Variants in EGLN2 observed in about 807,000 individuals in gnomAD.
The protein encoded by EGLN2 is egl-9 family hypoxia inducible factor 2.
EGLN2 carries 15 observed loss-of-function variants against 38.2 expected under a neutral mutation model. The ratio of observed to expected loss-of-function variants is 0.39; its 90% CI spans 0.26 to 0.60. The LOEUF (loss-of-function observed/expected upper bound fraction) is 0.60. Among genes scored for constraint, EGLN2 ranks in the 20% least tolerant of loss-of-function variants. The probability of loss-of-function intolerance (pLI) is 0.50; values close to 1 mark genes in which losing one functional copy is unlikely to be tolerated. For synonymous variants in EGLN2, 284 were observed against 237.4 expected (o/e 1.20, Z -1.81); for missense variants, 492 against 570.4 (o/e 0.86, Z 1.40).
At chr19:40,804,214 A>T (rs145912604) in intron 2 of EGLN2, 2 of 152,294 alleles carry the variant, frequency 1.3e-5, no homozygotes, top group East Asian at 1.9e-4. Context: ...GGGGAGACCA[A>T]CCTGGCCCCA....
Position 40,808,196 on chromosome 19 carries a change from G to T in EGLN2, c.*332G>T. The stretch of plus-strand genomic sequence containing the variant: ...AGGCATTGTCACTTCCCACCAGGAT[G>T]CAGGACTTGGGGTTGAGGTGAGTCA... On this transcript the variant is annotated 3_prime_UTR_variant, in exon 6 of 6. Coordinates refer to ENST00000303961, the MANE Select transcript of EGLN2 (RefSeq NM_080732.4). 2.1e-6 allele frequency: 1 copy of T among 471,978 alleles called. No homozygotes were observed. The highest frequency in any genetic ancestry group is 3.7e-6 in the Non-Finnish European group (1 of 266,720). 29.2% of individuals were successfully genotyped at this position (471,978 alleles called of 1,614,324 possible). A position where few individuals can be genotyped will look rare whatever the true frequency, so the allele number is the denominator to read the frequency against.
intron 2 of EGLN2, chr19:40,805,078 G>A (rs779356792): frequency 6.6e-6 from 1 of 152,396 alleles, no homozygotes; most frequent in Non-Finnish European, 1.5e-5. Flanking sequence ...TGCGTGCTTG[G>A]CAAGCATCCT....
chr19:40,801,578 G>T (rs949766167), intron 2 of EGLN2, among the ~76,000 whole-genome samples, 163 bp downstream of exon 2: 2 of 151,422 alleles, frequency 1.3e-5, no homozygotes, highest in Non-Finnish European at 2.9e-5. Flanking sequence ...ACTTGGGGGG[G>T]TCTTTATCCT....
intron 2 of EGLN2, among the ~76,000 whole-genome samples, chr19:40,803,611 T>G (rs1460821725): frequency 6.6e-6 from 1 of 152,060 alleles, no homozygotes; most frequent in African/African-American, 2.4e-5. Flanking sequence ...AGAAACGTGC[T>G]TCTTAGTCGT....
intron 3 of EGLN2, 145 bp downstream of exon 3, chr19:40,806,819 C>T: frequency 2.5e-6 from 3 of 1,187,252 alleles, no homozygotes; most frequent in Non-Finnish European, 3.6e-6. Flanking sequence ...GTGCGATCTG[C>T]CGGCTCTTCC....
chr19:40,806,170 C>A, intron 2 of EGLN2: 1 of 212,948 alleles, frequency 4.7e-6, no homozygotes, highest in South Asian at 7.1e-5. Flanking sequence ...AATTCCTGGT[C>A]TAGGGCTGTG....
At position 40,807,283 on chromosome 19, in the gene EGLN2, T is replaced by C. The variant is rs369012476; in HGVS notation, c.1100+9T>C. On this transcript the variant is annotated intron_variant, in intron 4 of 5. Coordinates refer to ENST00000303961, the MANE Select transcript of EGLN2 (RefSeq NM_080732.4). Reference sequence around the variant, plus strand: ...CCAGCCTATGCCACCAGGTATGACCTGTACTTCTGGAGACGCACCCAGGTG... The same window carrying C: ...CCAGCCTATGCCACCAGGTATGACCCGTACTTCTGGAGACGCACCCAGGTG... The C allele has an allele frequency of 1.5e-5, 24 of 1,613,974 alleles. No individual in the cohort carries two copies. Among genetic ancestry groups the C allele is most frequent in the Middle Eastern group, 3.3e-4 (2 of 6,082 alleles).
intron 2 of EGLN2, chr19:40,804,704 A>G (rs3733828): frequency 0.7 from 106,328 of 152,184 alleles, 37,388 homozygotes; most frequent in Admixed American, 0.76. Context: ...AGCCTCCTGG[A>G]CCATGGCCCA....
intron 5 of EGLN2, 44 bp from the exon 6 acceptor site, chr19:40,807,765 G>A: frequency 1.2e-6 from 2 of 1,607,120 alleles, no homozygotes; most frequent in Non-Finnish European, 1.7e-6. Flanking sequence ...TGGCTTCTTT[G>A]TCCTTCTGAT....
rs2083245209 is a variant in EGLN2 at position 40,800,340 on chromosome 19, C to T, written c.-233C>T. The T allele has an allele frequency of 2.0e-6, 1 of 510,926 alleles. No homozygotes were observed. 31.6% of individuals were successfully genotyped at this position (510,926 alleles called of 1,614,324 possible). On this transcript the variant is annotated splice_region_variant and 5_prime_UTR_variant, in exon 2 of 6. Transcript: ENST00000303961. ...CCTTTTTTTTTTTCCTTTCTCTAGC[C>T]ACCCTGAAGGGTCCCTTCCCAAGCC...
chr19:40,800,981 G>A lies in EGLN2; in HGVS notation c.409G>A (p.Ala137Thr), dbSNP rs779083045. ...CCCTTCACCCAGCAAACGGCCCTGG[G>A]CCAGGCAAGAGAACCAGGAGGCAGA... ...DAPSPSKRPWARQENQEAERE... is the reference protein window; with the variant it reads ...DAPSPSKRPWTRQENQEAERE... Residue 137 changes from alanine to threonine, a missense_variant, in exon 2 of 6, where the codon GCC becomes ACC. Transcript: ENST00000303961. 1.1e-5 allele frequency: 17 copies of A among 1,612,556 alleles called. No homozygotes were observed. In the East Asian group the frequency reaches 3.6e-4, roughly 34 times the overall value.
In EGLN2 at chr19:40,806,502, C is replaced by T. The variant is rs954473419; in HGVS notation, c.844-53C>T. ...AAATAGGTAATTCATGGCTGCTTCT[C>T]TAAGATGTGCCTGCCTAGCCCCAGT... On this transcript the variant is annotated intron_variant, in intron 2 of 5. Transcript: ENST00000303961. 2.0e-5 allele frequency: 32 copies of T among 1,607,666 alleles called. No homozygotes were observed. The African/African-American group carries it at 3.6e-4, about 18-fold the overall frequency.
chr19:40,807,272 C>G lies in EGLN2; in HGVS notation c.1098C>G (p.Thr366=). The change falls in exon 4 of 6, where the codon ACC becomes ACG. Residue 366 remains threonine (T), a splice_region_variant and synonymous_variant. Coordinates refer to ENST00000303961, the MANE Select transcript of EGLN2 (RefSeq NM_080732.4). The stretch of plus-strand genomic sequence containing the variant: ...ACGAGGTGAAGCCAGCCTATGCCAC[C>G]AGGTATGACCTGTACTTCTGGAGAC... ...NPHEVKPAYA[T]RYAITVWYFD... 6.2e-7 allele frequency: 1 copy of G among 1,614,168 alleles called. No homozygotes were observed. Among genetic ancestry groups the G allele is most frequent in the Non-Finnish European group, 8.5e-7 (1 of 1,180,010 alleles).
In EGLN2 at chr19:40,800,752, G is replaced by T; in HGVS notation, c.180G>T (p.Gly60=). Residue 60 remains glycine, a synonymous_variant, in exon 2 of 6, where the codon GGG becomes GGT. Transcript: ENST00000303961. ...GAGTGCCTAGTGAGGCCTCGGCAGG[G>T]AGTGGGACCCCCAGAGCCACAGCCA... is the stretch of plus-strand genomic sequence containing the variant. ...CPGVPSEASA[G]SGTPRATATS... is the part of the protein sequence containing the mutation. 6.2e-7 allele frequency: 1 copy of T among 1,613,678 alleles called. No homozygotes were observed. The highest frequency in any genetic ancestry group is 8.5e-7 in the Non-Finnish European group (1 of 1,179,804).
Position 40,807,945 on chromosome 19 carries a change from GCCA to G in EGLN2, c.*84_*86del. The G allele has an allele frequency of 7.4e-7, 1 of 1,359,182 alleles. No homozygotes were observed. Among genetic ancestry groups the G allele is most frequent in the Non-Finnish European group, 1.0e-6 (1 of 964,370 alleles). 84.2% of individuals were successfully genotyped at this position (1,359,182 alleles called of 1,614,324 possible). A position where few individuals can be genotyped will look rare whatever the true frequency, so the allele number is the denominator to read the frequency against. ...GGCCTGTGCTGGCTGCTCCTTCCCT[GCCA>G]CCGCTGCTGCTTCTGACTTTGCCTC... On this transcript the variant is annotated 3_prime_UTR_variant, in exon 6 of 6. Transcript: ENST00000303961.
Position 40,801,673 on chromosome 19 carries a change from T to C in EGLN2, c.843+258T>C, listed in dbSNP as rs867210881. On this transcript the variant is annotated intron_variant, in intron 2 of 5. Transcript: ENST00000303961. ...GTTCTTTTTTTTTTTTTTTTTTTTT[T>C]CTTTTCTTTTTTTATTGATCATTCT... 5.3e-3 allele frequency among the ~76,000 whole-genome samples: 643 copies of C among 122,374 alleles called. 5 individuals carry two copies. The highest frequency in any genetic ancestry group is 0.019 in the African/African-American group (572 of 30,034). The allele number at this position is 122,374 out of a possible 152,430, so 80.3% of individuals were successfully genotyped here.
In EGLN2 at chr19:40,801,358, C is replaced by G. The variant is rs1045527697; in HGVS notation, c.786C>G (p.Ala262=). 1.2e-6 allele frequency: 2 copies of G among 1,611,282 alleles called. No individual in the cohort carries two copies. The highest frequency in any genetic ancestry group is 1.7e-6 in the Non-Finnish European group (2 of 1,180,006). The part of the protein sequence containing the change: ...SIGALMAHVD[A]VIRHCAGRLG... ...GTGCCCTCATGGCCCATGTGGACGC[C>G]GTCATCCGCCACTGCGCAGGGCGGC... Residue 262 remains alanine, a synonymous_variant, in exon 2 of 6, where the codon GCC becomes GCG. Transcript: ENST00000303961.
At position 40,800,453 on chromosome 19, in the gene EGLN2, C is replaced by G; in HGVS notation, c.-120C>G. On this transcript the variant is annotated 5_prime_UTR_variant, in exon 2 of 6. Coordinates refer to ENST00000303961, the MANE Select transcript of EGLN2 (RefSeq NM_080732.4). ...GCTGTCTGCCCTGCCTCACCCTGCC[C>G]CACGCCAGGCCCGGTGGCCCCCAGC... 1.4e-6 allele frequency: 2 copies of G among 1,414,318 alleles called. No homozygotes were observed. Among genetic ancestry groups the G allele is most frequent in the Non-Finnish European group, 1.9e-6 (2 of 1,076,816 alleles). The allele number at this position is 1,414,318 out of a possible 1,614,324, so 87.6% of individuals were successfully genotyped here. A position where few individuals can be genotyped will look rare whatever the true frequency, so the allele number is the denominator to read the frequency against.
rs201777248 is a variant in EGLN2 at position 40,807,131 on chromosome 19, C to A, written c.964-7C>A. On this transcript the variant is annotated splice_polypyrimidine_tract_variant and splice_region_variant and intron_variant, in intron 3 of 5. Coordinates refer to ENST00000303961, the MANE Select transcript of EGLN2 (RefSeq NM_080732.4). ...CCAGCTAGCCTCATCCTTTGGCCTG[C>A]CCCCAGGTGCATGGCGGCCTGCTGC... is the stretch of plus-strand genomic sequence containing the variant. The A allele has an allele frequency of 3.1e-3, 5,070 of 1,613,860 alleles. 19 individuals carry two copies. The highest frequency in any genetic ancestry group is 5.0e-3 in the South Asian group (459 of 91,090).
Sources: gnomAD v4.1 joint callset for allele counts (sites outside exome capture counted in the v4.1 genomes callset) on GRCh38, gnomAD v4.1.1 for gene constraint, MANE v1.5 for transcripts, NCBI Gene and HGNC (gene_info 2026-07-23, HGNC 2026-07-21) for gene names.